CSMD2: variants seen among roughly 807,000 people sequenced by gnomAD.
CSMD2 encodes the protein CUB and sushi domain-containing protein 2.
In CSMD2, 130 loss-of-function variants were observed where a neutral mutation model predicts 398.5. The observed-to-expected ratio is 0.33, with a 90% CI of 0.28 to 0.38. The LOEUF (loss-of-function observed/expected upper bound fraction) is 0.38, where lower values mean the gene tolerates loss of function less well. CSMD2 is among the 10% of genes least tolerant of loss of function. The pLI is 1.00. For synonymous variants in CSMD2, 1,828 were observed against 1,908.5 expected, an observed-to-expected ratio of 0.96 and a Z score of 1.10; for missense variants, 3,829 against 4,764.9, an observed-to-expected ratio of 0.80 and a Z score of 5.78.
intron 55 of CSMD2, 73 bp downstream of exon 55, chr1:33,557,649 CACACACACACAT>C (rs1658148640): frequency 1.7e-6 from 2 of 1,149,184 alleles, no homozygotes; most frequent in Non-Finnish European, 2.5e-6. Context: ...CACACACACA[CACACACACACAT>C]GCACAGAGGG....
intron 3 of CSMD2, among the ~76,000 whole-genome samples, chr1:34,017,784 T>C (rs147761929): frequency 1.3e-5 from 2 of 152,292 alleles, no homozygotes; most frequent in East Asian, 3.9e-4. Flanking sequence ...TACTGATCAA[T>C]GCTTTATTAC....
At chr1:33,926,820 A>C (rs1644142771) in intron 4 of CSMD2, among the ~76,000 whole-genome samples, 1 of 152,212 alleles carries the variant, frequency 6.6e-6, no homozygotes, top group African/African-American at 2.4e-5. Context: ...AGTTCTACGG[A>C]AATCTCTTCA....
At position 33,542,766 on chromosome 1, in the gene CSMD2, G is replaced by C; in HGVS notation, c.9231C>G (p.His3077Gln). 6.2e-7 allele frequency: 1 copy of C among 1,614,158 alleles called. No homozygotes were observed. Among genetic ancestry groups the C allele is most frequent in the Non-Finnish European group, 8.5e-7 (1 of 1,180,028 alleles). ...CTGTCCAGGTACCATTGACCGAGCA[G>C]TGACGGCTGAGCAGGCCTGTGGCGT... ...GYYATGLLSR[H>Q]CSVNGTWTGS... The change falls in exon 58 of 71, where the codon CAC (histidine) becomes CAG (glutamine). Residue 3077 changes from histidine (H) to glutamine (Q), a missense_variant. Coordinates refer to ENST00000373381, the MANE Select transcript of CSMD2 (RefSeq NM_001281956.2).
chr1:33,579,170 G>A (rs936434497), intron 48 of CSMD2, among the ~76,000 whole-genome samples: 7 of 152,132 alleles, frequency 4.6e-5, no homozygotes, highest in African/African-American at 1.2e-4. Flanking sequence ...CCTTAATAAC[G>A]TTCAGTTCCT....
intron 4 of CSMD2, among the ~76,000 whole-genome samples, chr1:33,921,681 T>C (rs1275539155): frequency 6.6e-6 from 1 of 152,184 alleles, no homozygotes; most frequent in Non-Finnish European, 1.5e-5. Flanking sequence ...CAAGAAGGCC[T>C]GGAAGGGCAT....
intron 64 of CSMD2, among the ~76,000 whole-genome samples, chr1:33,529,544 T>A (rs1409421074): frequency 1.3e-5 from 2 of 152,180 alleles, no homozygotes; most frequent in African/African-American, 4.8e-5. Flanking sequence ...GAAAGAATAG[T>A]CTTGCCAACA....
chr1:33,739,148 C>CGCA lies in CSMD2; in HGVS notation c.2357_2359dup (p.Leu786dup). Reference sequence around the variant, plus strand: ...AGCCTGCAGGCTCGTACCTTCACACCGCAGCACAGCGCTGTTCCAGACCAC... The same window carrying CGCA: ...AGCCTGCAGGCTCGTACCTTCACACCGCAGCAGCACAGCGCTGTTCCAGACCAC... On this transcript the variant is annotated inframe_insertion, in exon 15 of 71. Transcript: ENST00000373381. 1 of 1,612,628 alleles carries CGCA rather than the reference C, an allele frequency of 6.2e-7. No homozygotes were observed. The highest frequency in any genetic ancestry group is 8.5e-7 in the Non-Finnish European group (1 of 1,179,450).
In CSMD2 at chr1:33,724,620, G is replaced by A. The variant is rs759533345; in HGVS notation, c.2780C>T (p.Ala927Val). The A allele has an allele frequency of 6.2e-6, 10 of 1,614,030 alleles. No homozygotes were observed. The highest frequency in any genetic ancestry group is 2.2e-5 in the South Asian group (2 of 91,080). Residue 927 changes from alanine to valine, a missense_variant, in exon 18 of 71, where the codon GCG becomes GTG. Coordinates refer to ENST00000373381, the MANE Select transcript of CSMD2 (RefSeq NM_001281956.2). ...CGAGTCACAGCTGAAGGTCACCAGC[G>A]CGCCCACGTAGAAGTCATTCCCATG... ...QRHGNDFYVG[A>V]LVTFSCDSGY...
intron 13 of CSMD2, among the ~76,000 whole-genome samples, chr1:33,754,004 T>A (rs1413712190): frequency 6.6e-6 from 1 of 152,242 alleles, no homozygotes; most frequent in African/African-American, 2.4e-5. Context: ...CATCTTCAGA[T>A]GAGCCTTTAG....
At chr1:33,602,338 T>G in intron 43 of CSMD2, 31 bp downstream of exon 43, 1 of 1,611,922 alleles carries the variant, frequency 6.2e-7, no homozygotes, top group South Asian at 1.1e-5. Flanking sequence ...TGCTCCTTTC[T>G]AATTGGCTGT....
chr1:33,801,719 A>T (rs1452262983), intron 10 of CSMD2, among the ~76,000 whole-genome samples: 1 of 152,202 alleles, frequency 6.6e-6, no homozygotes, highest in Admixed American at 6.5e-5. Context: ...GGCTTCTCAG[A>T]AGAGGGGTTG....
Position 33,935,743 on chromosome 1 carries a change from C to G in CSMD2, c.712+17G>C. The G allele has an allele frequency of 6.3e-7, 1 of 1,584,960 alleles. No individual in the cohort carries two copies. ...AGCCACTGCCCCACTCTGTCAGACC[C>G]CTTGCTGGCCACCTACCTCTGCAGG... On this transcript the variant is annotated intron_variant, in intron 4 of 70. Coordinates refer to ENST00000373381, the MANE Select transcript of CSMD2 (RefSeq NM_001281956.2).
chr1:33,518,871 G>A lies in CSMD2; in HGVS notation c.*53+594C>T, dbSNP rs967137521. Among the ~76,000 whole-genome samples, 1 of 151,766 alleles carries A rather than the reference G, an allele frequency of 6.6e-6. No homozygotes were observed. Among genetic ancestry groups the A allele is most frequent in the South Asian group, 2.1e-4 (1 of 4,792 alleles). ...ATATAACATTTACATATAGCTCTAC[G>A]GAGATGCGTATCTATATATAGATGG... On this transcript the variant is annotated intron_variant, in intron 70 of 70. Transcript: ENST00000373381. The surrounding 1 kb of genome is among the most constrained non-coding windows in gnomAD (Gnocchi z 4.3).
At chr1:33,696,706 T>C (rs1557746223) in intron 24 of CSMD2, among the ~76,000 whole-genome samples, 1 of 152,102 alleles carries the variant, frequency 6.6e-6, no homozygotes, top group African/African-American at 2.4e-5. Context: ...CATGTCATCA[T>C]GGACAACTAG....
At chr1:34,132,388 C>T (rs569210757) in intron 1 of CSMD2, among the ~76,000 whole-genome samples, 66 of 152,230 alleles carry the variant, frequency 4.3e-4, no homozygotes, top group Non-Finnish European at 7.8e-4. Flanking sequence ...ACCCACTTCT[C>T]TATCACCCCT....
intron 1 of CSMD2, among the ~76,000 whole-genome samples, chr1:34,109,571 AC>A (rs1271264734): frequency 6.6e-6 from 1 of 152,252 alleles, no homozygotes; most frequent in African/African-American, 2.4e-5. Context: ...AGCAAAAGAA[AC>A]TATCAACAGA....
rs1394152764 is a variant in CSMD2 at position 34,082,098 on chromosome 1, C to T, written c.404+6879G>A. On this transcript the variant is annotated intron_variant, in intron 2 of 70. Coordinates refer to ENST00000373381, the MANE Select transcript of CSMD2 (RefSeq NM_001281956.2). Reference sequence around the variant, plus strand: ...GCGTTTCTGCCTGGCCGCCCATCATCTGGGATGTGGGGAGCGCCTCTGCCC... The same window carrying T: ...GCGTTTCTGCCTGGCCGCCCATCATTTGGGATGTGGGGAGCGCCTCTGCCC... Among the ~76,000 whole-genome samples the T allele has an allele frequency of 2.1e-5, 3 of 144,468 alleles. 1 individual carries two copies. The highest frequency in any genetic ancestry group is 1.5e-5 in the Non-Finnish European group (1 of 66,858). The allele number at this position is 144,468 out of a possible 152,430, so 94.8% of individuals were successfully genotyped here.
chr1:33,907,505 T>C (rs1643174045), intron 5 of CSMD2, among the ~76,000 whole-genome samples: 1 of 151,930 alleles, frequency 6.6e-6, no homozygotes. Context: ...AGGTAAGGAA[T>C]GAATGGGGAG....
chr1:34,120,427 C>T (rs539296345), intron 1 of CSMD2, among the ~76,000 whole-genome samples: 5 of 152,118 alleles, frequency 3.3e-5, no homozygotes, highest in South Asian at 2.1e-4. Context: ...GTGGTTAAGA[C>T]AGTAAATTTT....
Sources: allele counts gnomAD v4.1 joint callset (sites outside exome capture counted in the v4.1 genomes callset), GRCh38; gene constraint gnomAD v4.1.1; non-coding constraint Gnocchi (gnomAD v3.1); transcripts MANE v1.5; gene names NCBI Gene and HGNC (gene_info 2026-07-23, HGNC 2026-07-21).